The following MAP7D2 variants were observed in gnomAD, a reference collection of about 807,000 sequenced individuals.
MAP7D2 encodes the protein MAP7 domain containing 2.
MAP7D2 carries 33 observed loss-of-function variants against 63.5 expected under a neutral mutation model. That is an observed-to-expected ratio of 0.52 (90% CI 0.39 to 0.70). The LOEUF (loss-of-function observed/expected upper bound fraction) is 0.70, where lower values mean the gene tolerates loss of function less well. Among genes scored for constraint, MAP7D2 ranks in the 30% least tolerant of loss-of-function variants. MAP7D2 has a pLI of 0.00. For missense variants in MAP7D2, 626 were observed against 604.0 expected, an observed-to-expected ratio of 1.04 and a Z score of -0.38; for synonymous variants, 224 against 223.7, an observed-to-expected ratio of 1.00 and a Z score of -0.01.
intron 1 of MAP7D2, among the ~76,000 whole-genome samples, chrX:20,068,762 C>T (rs1986417503): frequency 8.9e-6 from 1 of 111,945 alleles, no homozygotes; most frequent in African/African-American, 3.3e-5. Context: ...GGCTCTGTGT[C>T]CCCACCCAAA....
At chrX:20,115,559 T>C (rs2066871518) in intron 1 of MAP7D2, among the ~76,000 whole-genome samples, 1 of 111,826 alleles carries the variant, frequency 8.9e-6, no homozygotes, top group Non-Finnish European at 1.9e-5. Context: ...GTTATAACGT[T>C]ATCCTGTGAC....
intron 1 of MAP7D2, among the ~76,000 whole-genome samples, chrX:20,099,483 C>A (rs747498522): frequency 8.9e-6 from 1 of 111,820 alleles, no homozygotes; most frequent in Non-Finnish European, 1.9e-5. Context: ...TTATCTAATA[C>A]TAATCCCACC....
At position 20,063,233 on chromosome X, in the gene MAP7D2, G is replaced by A. The variant is rs1482426651; in HGVS notation, c.372+181C>T. 3.6e-5 allele frequency among the ~76,000 whole-genome samples: 4 copies of A among 111,981 alleles called. No homozygotes were observed. In the East Asian group the frequency reaches 8.4e-4, roughly 24 times the overall value. ...CTGAGTTGAATGGATAAGTCTCTGC[G>A]GTTCTATGTCAGTGCTGCTTCGAGT... is the stretch of plus-strand genomic sequence containing the variant. On this transcript the variant is annotated intron_variant, in intron 3 of 16. Coordinates refer to ENST00000379643, the MANE Select transcript of MAP7D2 (RefSeq NM_001168465.2).
rs201159020 is a variant in MAP7D2 at position 20,067,646 on chromosome X, AT to A, written c.131-2842del. Among the ~76,000 whole-genome samples, 63 of 110,490 alleles carry A rather than the reference AT, an allele frequency of 5.7e-4. 1 individual carries two copies. The East Asian group carries it at 0.013, about 22-fold the overall frequency. Reference sequence around the variant, plus strand: ...CAGGACCCACTTTAAAAACCATTAAATTTTTTTTTCCTAATCTCTCACATCT... The same window carrying A: ...CAGGACCCACTTTAAAAACCATTAAATTTTTTTTCCTAATCTCTCACATCT... On this transcript the variant is annotated intron_variant, in intron 1 of 16. Coordinates refer to ENST00000379643, the MANE Select transcript of MAP7D2 (RefSeq NM_001168465.2).
intron 15 of MAP7D2, among the ~76,000 whole-genome samples, chrX:20,011,304 A>G (rs776512543): frequency 9.0e-6 from 1 of 111,631 alleles, no homozygotes; most frequent in South Asian, 3.8e-4. Flanking sequence ...GGCCAAGGTC[A>G]CATTGCCCAA....
intron 10 of MAP7D2, among the ~76,000 whole-genome samples, chrX:20,020,725 G>C (rs1424599085): frequency 1.8e-5 from 2 of 111,974 alleles, no homozygotes; most frequent in East Asian, 5.6e-4. Flanking sequence ...GCAGCAAAAA[G>C]CCAGGTCTGA....
At chrX:20,059,457 A>G (rs1457918518) in intron 3 of MAP7D2, among the ~76,000 whole-genome samples, 2 of 111,468 alleles carry the variant, frequency 1.8e-5, no homozygotes, top group Non-Finnish European at 3.8e-5. Flanking sequence ...AAATATCAGA[A>G]CTGCATACTG....
At chrX:20,115,856 T>C (rs1318563075) in intron 1 of MAP7D2, among the ~76,000 whole-genome samples, 4 of 112,448 alleles carry the variant, frequency 3.6e-5, no homozygotes, top group African/African-American at 1.3e-4. Flanking sequence ...ATAAAAAATG[T>C]TTTAAAAATA....
At position 20,015,332 on chromosome X, in the gene MAP7D2, C is replaced by A; in HGVS notation, c.1645-5G>T. On this transcript the variant is annotated splice_region_variant and splice_polypyrimidine_tract_variant and intron_variant, in intron 11 of 16. Transcript: ENST00000379643. ...CTTTGTTTCTGCTGCTTCTTTCTAA[C>A]AGAAACAGGTAAATCAAGGCAAAGC... The A allele has an allele frequency of 8.4e-7, 1 of 1,192,510 alleles. No homozygotes were observed. Among genetic ancestry groups the A allele is most frequent in the Non-Finnish European group, 1.1e-6 (1 of 878,591 alleles).
At chrX:20,105,556 T>C (rs1340200710) in intron 1 of MAP7D2, among the ~76,000 whole-genome samples, 1 of 112,148 alleles carries the variant, frequency 8.9e-6, no homozygotes, top group African/African-American at 3.2e-5. Context: ...CCCTGTTTAA[T>C]GGTGTAGTTC....
At chrX:20,069,269 C>T (rs1269592590) in intron 1 of MAP7D2, among the ~76,000 whole-genome samples, 6 of 111,412 alleles carry the variant, frequency 5.4e-5, no homozygotes, top group Admixed American at 9.5e-5. Flanking sequence ...TACAGTGGCA[C>T]GATCATTGCT....
chrX:20,054,873 C>T (rs1028450625), intron 4 of MAP7D2, among the ~76,000 whole-genome samples: 2 of 112,318 alleles, frequency 1.8e-5, no homozygotes, highest in African/African-American at 6.5e-5. Context: ...CAAGCCACCA[C>T]GCCCAGCCCC....
intron 1 of MAP7D2, among the ~76,000 whole-genome samples, chrX:20,068,832 A>T (rs988096781): frequency 8.9e-6 from 1 of 111,893 alleles, no homozygotes; most frequent in African/African-American, 3.3e-5. Flanking sequence ...CTGGTGGGAG[A>T]TAATTTCAAT....
At chrX:20,044,281 G>C in intron 7 of MAP7D2, 83 bp downstream of exon 7, 3 of 983,612 alleles carry the variant, frequency 3.0e-6, no homozygotes, top group Non-Finnish European at 4.3e-6. Flanking sequence ...GAAACAGACA[G>C]CCCAGGTCAA....
intron 1 of MAP7D2, among the ~76,000 whole-genome samples, chrX:20,089,163 T>C (rs769620889): frequency 1.8e-5 from 2 of 112,192 alleles, no homozygotes; most frequent in African/African-American, 6.5e-5. Context: ...ATGCAAGGTA[T>C]CAATCACGGG....
intron 6 of MAP7D2, among the ~76,000 whole-genome samples, chrX:20,046,380 A>G (rs371293947): frequency 3.6e-5 from 4 of 112,385 alleles, no homozygotes; most frequent in African/African-American, 1.3e-4. Flanking sequence ...CATGATTCCT[A>G]CAAAAGCTCC....
At chrX:20,033,462 C>T (rs1430288359) in intron 8 of MAP7D2, among the ~76,000 whole-genome samples, 1 of 112,164 alleles carries the variant, frequency 8.9e-6, no homozygotes, top group Non-Finnish European at 1.9e-5. Context: ...CAAAGCTATG[C>T]TCCATCTATG....
At chrX:20,079,258 C>T (rs1759705693) in intron 1 of MAP7D2, among the ~76,000 whole-genome samples, 1 of 111,470 alleles carries the variant, frequency 9.0e-6, no homozygotes, top group Admixed American at 9.6e-5. Flanking sequence ...GAACTGAAGT[C>T]ACCTGCAAAG....
rs138941871 is a variant in MAP7D2 at position 20,086,533 on chromosome X, G to C, written c.131-21728C>G. On this transcript the variant is annotated intron_variant, in intron 1 of 16. Transcript: ENST00000379643. ...CTGAAGTTTTCGGCCCAGGAAGCCA[G>C]GAGAACAGTGGTTGGCATCGTATGC... Among the ~76,000 whole-genome samples, 44 of 111,859 alleles carry C rather than the reference G, an allele frequency of 3.9e-4. No homozygotes were observed. The East Asian group carries it at 9.2e-3, about 23-fold the overall frequency.
Sources: allele counts gnomAD v4.1 joint callset (sites outside exome capture counted in the v4.1 genomes callset), GRCh38; gene constraint gnomAD v4.1.1; transcripts MANE v1.5; gene names NCBI Gene and HGNC (gene_info 2026-07-23, HGNC 2026-07-21).